OSBPL8: variants seen among roughly 807,000 people sequenced by gnomAD.
OSBPL8 encodes the protein oxysterol binding protein like 8, also known as oxysterol-binding protein-related protein 8.
In OSBPL8, 59 loss-of-function variants were observed where a neutral mutation model predicts 125.5. The observed-to-expected ratio is 0.47, with a 90% CI of 0.38 to 0.58. The LOEUF (loss-of-function observed/expected upper bound fraction) is 0.58, where lower values mean the gene tolerates loss of function less well. Among genes scored for constraint, OSBPL8 ranks in the 20% least tolerant of loss-of-function variants. OSBPL8 has a pLI of 0.00. For synonymous variants in OSBPL8, 330 were observed against 338.9 expected (o/e 0.97, Z 0.29); for missense variants, 758 against 1,047.8 (o/e 0.72, Z 3.82).
At chr12:76,405,162 C>T (rs1360305646) in intron 5 of OSBPL8, among the ~76,000 whole-genome samples, 1 of 151,972 alleles carries the variant, frequency 6.6e-6, no homozygotes, top group Admixed American at 6.6e-5. Context: ...TCTTTATGAA[C>T]AAGGAGAAAT....
At chr12:76,504,197 C>T (rs183289232) in intron 1 of OSBPL8, among the ~76,000 whole-genome samples, 15 of 152,002 alleles carry the variant, frequency 9.9e-5, no homozygotes, top group East Asian at 1.9e-4. Context: ...TGTTGACCTA[C>T]CCTGCAAATT....
intron 1 of OSBPL8, among the ~76,000 whole-genome samples, chr12:76,556,841 T>C (rs1565996738): frequency 6.6e-6 from 1 of 152,286 alleles, no homozygotes; most frequent in African/African-American, 2.4e-5. Context: ...TTTTTTTGTA[T>C]TTTTAGTAGA....
At chr12:76,516,754 C>T (rs1881573183) in intron 1 of OSBPL8, among the ~76,000 whole-genome samples, 1 of 151,464 alleles carries the variant, frequency 6.6e-6, no homozygotes, top group Non-Finnish European at 1.5e-5. Flanking sequence ...GGAAACATAA[C>T]AAATCCTCTC....
intron 4 of OSBPL8, among the ~76,000 whole-genome samples, chr12:76,441,255 C>T (rs958653718): frequency 8.5e-5 from 13 of 152,122 alleles, no homozygotes; most frequent in African/African-American, 3.1e-4. Flanking sequence ...ATTGGGCCAT[C>T]TGTCAAAAAC....
chr12:76,378,559 A>C lies in OSBPL8; in HGVS notation c.1631-9T>G. ...TGCAGATAATGAGTTTCCTGAAATA[A>C]AATGTTGTTTATTAAATTTCACAAA... On this transcript the variant is annotated splice_polypyrimidine_tract_variant and intron_variant, in intron 15 of 23. Transcript: ENST00000261183. 2 of 1,553,332 alleles carry C rather than the reference A, an allele frequency of 1.3e-6. No individual in the cohort carries two copies. Among genetic ancestry groups the C allele is most frequent in the Non-Finnish European group, 1.8e-6 (2 of 1,138,474 alleles).
chr12:76,465,063 A>C (rs1875237763), intron 2 of OSBPL8, among the ~76,000 whole-genome samples: 1 of 152,176 alleles, frequency 6.6e-6, no homozygotes, highest in African/African-American at 2.4e-5. Context: ...ATCATCTGCA[A>C]AATATACTTG....
intron 4 of OSBPL8, among the ~76,000 whole-genome samples, chr12:76,430,540 T>C (rs991448349): frequency 6.6e-6 from 1 of 152,204 alleles, no homozygotes; most frequent in African/African-American, 2.4e-5. Flanking sequence ...TAAAGCTCTG[T>C]AACCAATTCT....
At chr12:76,445,061 C>A (rs1040716134) in intron 4 of OSBPL8, among the ~76,000 whole-genome samples, 1 of 152,108 alleles carries the variant, frequency 6.6e-6, no homozygotes, top group African/African-American at 2.4e-5. Context: ...GAACCCTGAA[C>A]CCATCATAAT....
chr12:76,549,690 T>C (rs1592903550), intron 1 of OSBPL8, among the ~76,000 whole-genome samples: 1 of 152,160 alleles, frequency 6.6e-6, no homozygotes, highest in African/African-American at 2.4e-5. Flanking sequence ...CGTTGATGTA[T>C]GACTTCTAAT....
At chr12:76,558,539 T>C (rs1951178197) in intron 1 of OSBPL8, among the ~76,000 whole-genome samples, 2 of 152,238 alleles carry the variant, frequency 1.3e-5, no homozygotes, top group Non-Finnish European at 2.9e-5. Context: ...AAAACATCAT[T>C]AAATTTTTTA....
intron 4 of OSBPL8, among the ~76,000 whole-genome samples, chr12:76,416,189 A>T (rs1297814572): frequency 6.6e-6 from 1 of 152,070 alleles, no homozygotes; most frequent in East Asian, 1.9e-4. Context: ...ATTTAGAAAT[A>T]TATTTTTGAA....
At chr12:76,413,762 C>T (rs533403017) in intron 4 of OSBPL8, among the ~76,000 whole-genome samples, 2 of 151,956 alleles carry the variant, frequency 1.3e-5, no homozygotes, top group East Asian at 1.9e-4. Flanking sequence ...AGAATGTCTT[C>T]AGACCTTTTG....
At chr12:76,397,643 T>A (rs769886739) in intron 8 of OSBPL8, 51 bp downstream of exon 8, 1 of 1,531,242 alleles carries the variant, frequency 6.5e-7, no homozygotes, top group Non-Finnish European at 9.0e-7. Context: ...CTCAGTTCTA[T>A]TCATGGATTA....
At chr12:76,508,016 C>T (rs1300809655) in intron 1 of OSBPL8, among the ~76,000 whole-genome samples, 2 of 148,360 alleles carry the variant, frequency 1.3e-5, no homozygotes, top group African/African-American at 5.2e-5. Flanking sequence ...ACTAAAAATA[C>T]AAAAATTAGC....
intron 1 of OSBPL8, among the ~76,000 whole-genome samples, chr12:76,511,362 AGT>A (rs960869211): frequency 6.6e-6 from 1 of 152,122 alleles, no homozygotes; most frequent in Non-Finnish European, 1.5e-5. Context: ...TCCCACCAAC[AGT>A]GTATAAGTGT....
intron 2 of OSBPL8, among the ~76,000 whole-genome samples, chr12:76,464,103 C>G (rs1323408801): frequency 1.3e-5 from 2 of 152,210 alleles, no homozygotes; most frequent in Non-Finnish European, 2.9e-5. Context: ...AATCCAAGAA[C>G]AGCTTCTCAG....
At chr12:76,532,088 T>C (rs1950356227) in intron 1 of OSBPL8, among the ~76,000 whole-genome samples, 1 of 143,054 alleles carries the variant, frequency 7.0e-6, no homozygotes. Flanking sequence ...AATTGACAAA[T>C]CTGTTCCTTA....
chr12:76,528,652 G>T (rs1484070571), intron 1 of OSBPL8, among the ~76,000 whole-genome samples: 1 of 151,884 alleles, frequency 6.6e-6, no homozygotes, highest in African/African-American at 2.4e-5. Context: ...AGCCAAAGAA[G>T]ATAAGGAAGT....
rs549486681 is a variant in OSBPL8 at position 76,536,503 on chromosome 12, A to G, written c.-68+22894T>C. The stretch of plus-strand genomic sequence containing the variant: ...TAATCTTATCACTGTACTACTTAAC[A>G]CTATGTATGCTGGTAAATTACAGCA... On this transcript the variant is annotated intron_variant, in intron 1 of 23. Coordinates refer to ENST00000261183, the MANE Select transcript of OSBPL8 (RefSeq NM_020841.5). Among the ~76,000 whole-genome samples, 200 of 152,302 alleles carry G rather than the reference A, an allele frequency of 1.3e-3. 2 individuals are homozygous for G. The highest frequency in any genetic ancestry group is 4.6e-3 in the African/African-American group (191 of 41,568).
Sources: allele counts gnomAD v4.1 joint callset (sites outside exome capture counted in the v4.1 genomes callset), GRCh38; gene constraint gnomAD v4.1.1; transcripts MANE v1.5; gene names NCBI Gene and HGNC (gene_info 2026-07-23, HGNC 2026-07-21).